Variants in NRXN1 observed in about 807,000 individuals in gnomAD.
NRXN1 encodes neurexin-1.
A neutral mutation model predicts 150.9 loss-of-function variants in NRXN1; 39 were observed. The ratio of observed to expected loss-of-function variants is 0.26; its 90% CI spans 0.20 to 0.34. The LOEUF is 0.34. Ranked by LOEUF, NRXN1 falls within the 10% of genes least tolerant of loss-of-function variation. The probability of loss-of-function intolerance (pLI) is 1.00; values close to 1 mark genes in which losing one functional copy is unlikely to be tolerated. For missense variants in NRXN1, 1,815 were observed against 1,949.9 expected (o/e 0.93, Z 1.30); for synonymous variants, 924 against 757.0 (o/e 1.22, Z -3.62).
At chr2:50,204,464 A>C (rs932471775) in intron 18 of NRXN1, among the ~76,000 whole-genome samples, 2 of 152,116 alleles carry the variant, frequency 1.3e-5, no homozygotes, top group Admixed American at 1.3e-4. Flanking sequence ...TGTCAGTTTT[A>C]GCCTTCCAAG....
At chr2:50,709,210 C>T (rs764657605) in intron 5 of NRXN1, among the ~76,000 whole-genome samples, 4 of 152,116 alleles carry the variant, frequency 2.6e-5, no homozygotes, top group African/African-American at 9.7e-5. Flanking sequence ...TATTTGCACA[C>T]ATTTATTCAA....
intron 18 of NRXN1, among the ~76,000 whole-genome samples, chr2:50,118,845 T>C (rs1409317092): frequency 6.6e-6 from 1 of 152,128 alleles, no homozygotes; most frequent in Non-Finnish European, 1.5e-5. Flanking sequence ...CTAACATAAG[T>C]CTGGAATACA....
intron 5 of NRXN1, among the ~76,000 whole-genome samples, chr2:50,632,172 T>G (rs1019613873): frequency 6.6e-6 from 1 of 151,956 alleles, no homozygotes; most frequent in Non-Finnish European, 1.5e-5. Context: ...GGCAATATAT[T>G]CTGAGCAATT....
At chr2:50,044,816 T>G (rs1691558470) in intron 21 of NRXN1, among the ~76,000 whole-genome samples, 2 of 152,338 alleles carry the variant, frequency 1.3e-5, no homozygotes, top group African/African-American at 2.4e-5. Context: ...ATATATTAGT[T>G]GCACATAAGA....
intron 17 of NRXN1, among the ~76,000 whole-genome samples, chr2:50,431,262 C>T (rs141338175): frequency 6.6e-6 from 1 of 152,298 alleles, no homozygotes; most frequent in African/African-American, 2.4e-5. Flanking sequence ...ATCATAATTA[C>T]CATGGCTTAC....
At chr2:50,561,806 G>C (rs1015946565) in intron 8 of NRXN1, among the ~76,000 whole-genome samples, 2 of 73,762 alleles carry the variant, frequency 2.7e-5, no homozygotes, top group Non-Finnish European at 5.1e-5. Context: ...ATAGCATTTA[G>C]AAAGACACTG....
Position 50,346,705 on chromosome 2 carries a change from A to C in NRXN1, c.3365-109735T>G. On this transcript the variant is annotated intron_variant, in intron 17 of 22. Transcript: ENST00000401669. This position sits in a 1 kb window ranked among gnomAD's most constrained non-coding sequence, Gnocchi z 5.0. ...CGCAGACCCACCGTGTCCGCCTCGCAAGGATGCCGGTGACCTGTAGATTGC... is the reference window on the plus strand; with the variant it reads ...CGCAGACCCACCGTGTCCGCCTCGCCAGGATGCCGGTGACCTGTAGATTGC... 1 of 1,613,532 alleles carries C rather than the reference A, an allele frequency of 6.2e-7. No individual in the cohort carries two copies.
intron 18 of NRXN1, among the ~76,000 whole-genome samples, chr2:50,205,119 G>A (rs2062470097): frequency 6.6e-6 from 1 of 152,078 alleles, no homozygotes; most frequent in Admixed American, 6.6e-5. Flanking sequence ...ACACAAATAA[G>A]TGACAGAGTT....
At chr2:50,793,822 C>A (rs1166199796) in intron 5 of NRXN1, among the ~76,000 whole-genome samples, 1 of 152,018 alleles carries the variant, frequency 6.6e-6, no homozygotes, top group South Asian at 2.1e-4. Flanking sequence ...GCATGAGCAG[C>A]AGAATTATCC....
chr2:50,648,594 T>C (rs1376592482), intron 5 of NRXN1, among the ~76,000 whole-genome samples: 4 of 151,948 alleles, frequency 2.6e-5, no homozygotes, highest in African/African-American at 9.7e-5. Flanking sequence ...TTCAAAAAAT[T>C]AACCAGACAT....
At chr2:51,014,966 T>C (rs1440059543) in intron 2 of NRXN1, among the ~76,000 whole-genome samples, 1 of 152,078 alleles carries the variant, frequency 6.6e-6, no homozygotes, top group Non-Finnish European at 1.5e-5. Context: ...AATGATTATA[T>C]TTTCTGTAGG....
chr2:50,798,594 A>G (rs1369816003), intron 5 of NRXN1, among the ~76,000 whole-genome samples: 1 of 152,196 alleles, frequency 6.6e-6, no homozygotes, highest in East Asian at 1.9e-4. Flanking sequence ...AAATTTAAAG[A>G]AGGAGAACAT....
intron 17 of NRXN1, among the ~76,000 whole-genome samples, chr2:50,327,858 C>T (rs1258495642): frequency 2.0e-5 from 3 of 152,074 alleles, no homozygotes; most frequent in Non-Finnish European, 4.4e-5. Flanking sequence ...CCAGGTTGGC[C>T]AGGCTGGTCG....
intron 18 of NRXN1, among the ~76,000 whole-genome samples, chr2:50,168,313 C>G (rs111382626): frequency 6.6e-6 from 1 of 152,160 alleles, no homozygotes; most frequent in Non-Finnish European, 1.5e-5. Flanking sequence ...AATTTACCTA[C>G]ATTTTACACT....
intron 18 of NRXN1, among the ~76,000 whole-genome samples, chr2:50,218,867 C>T (rs1484616665): frequency 6.6e-6 from 1 of 151,912 alleles, no homozygotes; most frequent in Non-Finnish European, 1.5e-5. Flanking sequence ...TATACATATG[C>T]AAAACAAAGT....
chr2:50,568,521 CAA>C (rs1670197304), intron 8 of NRXN1, among the ~76,000 whole-genome samples: 1 of 152,058 alleles, frequency 6.6e-6, no homozygotes, highest in Non-Finnish European at 1.5e-5. Context: ...ATACAAATGT[CAA>C]AGAGGTATAT....
At chr2:49,935,752 G>A (rs927491704) in intron 22 of NRXN1, among the ~76,000 whole-genome samples, 2 of 152,160 alleles carry the variant, frequency 1.3e-5, no homozygotes, top group Non-Finnish European at 2.9e-5. Flanking sequence ...GGTACCAAGA[G>A]AACGCCACAG....
intron 5 of NRXN1, among the ~76,000 whole-genome samples, chr2:50,653,198 T>G (rs1241508259): frequency 6.6e-6 from 1 of 152,130 alleles, no homozygotes; most frequent in East Asian, 1.9e-4. Context: ...ACAAACCAAA[T>G]CTAGCAGAGT....
At chr2:50,578,645 A>G (rs980877668) in intron 8 of NRXN1, among the ~76,000 whole-genome samples, 1 of 152,136 alleles carries the variant, frequency 6.6e-6, no homozygotes. Context: ...ATATCATTTT[A>G]TCACATGTAT....
Sources: gnomAD v4.1 joint callset for allele counts (sites outside exome capture counted in the v4.1 genomes callset) on GRCh38, gnomAD v4.1.1 for gene constraint, Gnocchi (gnomAD v3.1) non-coding constraint, MANE v1.5 for transcripts, NCBI Gene and HGNC (gene_info 2026-07-23, HGNC 2026-07-21) for gene names.